AK8: variants seen among roughly 807,000 people sequenced by gnomAD.
The protein encoded by AK8 is adenylate kinase 8.
Under a neutral mutation model 54.6 loss-of-function variants are expected in AK8, and 44 were observed. The observed-to-expected ratio is 0.81, with a 90% CI of 0.63 to 1.04. AK8 has a LOEUF of 1.04. Among genes scored for constraint, AK8 ranks in the 50% least tolerant of loss-of-function variants. AK8 has a pLI of 0.00. For missense variants in AK8, 555 were observed against 613.6 expected, an observed-to-expected ratio of 0.90 and a Z score of 1.01; for synonymous variants, 239 against 245.6, an observed-to-expected ratio of 0.97 and a Z score of 0.25.
At position 132,730,139 on chromosome 9, in the gene AK8, C is replaced by T. The variant is rs556981940; in HGVS notation, c.1122-2605G>A. Among the ~76,000 whole-genome samples, 4 of 152,266 alleles carry T rather than the reference C, an allele frequency of 2.6e-5. No individual in the cohort carries two copies. In the East Asian group the frequency reaches 7.7e-4, roughly 29 times the overall value. On this transcript the variant is annotated intron_variant, in intron 11 of 12. Coordinates refer to ENST00000298545, the MANE Select transcript of AK8 (RefSeq NM_152572.3). Reference sequence around the variant, plus strand: ...GCCAAGCTGACAACACGGTGGGAGGCTTTTCTGTTCGTTTCAGACTGCCTC... The same window carrying T: ...GCCAAGCTGACAACACGGTGGGAGGTTTTTCTGTTCGTTTCAGACTGCCTC...
intron 10 of AK8, among the ~76,000 whole-genome samples, chr9:132,801,255 G>A (rs1840443600): frequency 1.3e-5 from 2 of 152,106 alleles, no homozygotes; most frequent in Non-Finnish European, 2.9e-5. Context: ...TGAAGTTTTA[G>A]GTGACAAAAG....
chr9:132,784,839 G>A (rs766433887), intron 11 of AK8, among the ~76,000 whole-genome samples: 5 of 151,896 alleles, frequency 3.3e-5, no homozygotes, highest in Non-Finnish European at 5.9e-5. Flanking sequence ...TAAATGAAGA[G>A]GTTGAAATAT....
chr9:132,859,068 C>A (rs554477077), intron 4 of AK8, among the ~76,000 whole-genome samples: 2 of 152,288 alleles, frequency 1.3e-5, no homozygotes, highest in African/African-American at 4.8e-5. Flanking sequence ...AGGGCATTCC[C>A]ACTGTGTCTC....
intron 10 of AK8, among the ~76,000 whole-genome samples, chr9:132,809,374 A>T (rs917544535): frequency 6.6e-6 from 1 of 152,102 alleles, no homozygotes; most frequent in African/African-American, 2.4e-5. Flanking sequence ...GCTGAATTCC[A>T]CTGTTCCCTT....
chr9:132,852,769 C>CAAAAAAAAAAAAAAA (rs35786801), intron 5 of AK8, among the ~76,000 whole-genome samples: 3 of 16,394 alleles, frequency 1.8e-4, no homozygotes, highest in Non-Finnish European at 3.8e-4. Flanking sequence ...GATTAGGTCT[C>CAAAAAAAAAAAAAAA]AAAAAAAAAA....
At chr9:132,728,612 AC>A (rs977393352) in intron 11 of AK8, among the ~76,000 whole-genome samples, 5 of 152,168 alleles carry the variant, frequency 3.3e-5, no homozygotes, top group Non-Finnish European at 7.4e-5. Flanking sequence ...ATTCCTAGAT[AC>A]CCTTCCTGGG....
chr9:132,840,402 A>ATACT (rs1842489658), intron 5 of AK8, among the ~76,000 whole-genome samples: 1 of 90,086 alleles, frequency 1.1e-5, no homozygotes, highest in African/African-American at 4.2e-5. Context: ...TCCCAAGTGG[A>ATACT]CACTCACACA....
chr9:132,782,997 C>T (rs1187323719), intron 11 of AK8, among the ~76,000 whole-genome samples: 2 of 152,228 alleles, frequency 1.3e-5, no homozygotes, highest in Non-Finnish European at 2.9e-5. Context: ...CTGCCCCCAA[C>T]TCCAAGATGT....
At chr9:132,857,307 C>T (rs926753005) in intron 4 of AK8, among the ~76,000 whole-genome samples, 1 of 152,178 alleles carries the variant, frequency 6.6e-6, no homozygotes, top group Admixed American at 6.5e-5. Context: ...TTTCAAGGGA[C>T]GCGGACGCTG....
chr9:132,770,657 T>G lies in AK8; in HGVS notation c.1121+21977A>C, dbSNP rs969528948. ...TGGGGCAGCGCGGTGGGCAGCGGGC[T>G]GGGCCGAGATCGAGACCGGGACAAG... On this transcript the variant is annotated intron_variant, in intron 11 of 12. Coordinates refer to ENST00000298545, the MANE Select transcript of AK8 (RefSeq NM_152572.3). This position sits in a 1 kb window ranked among gnomAD's most constrained non-coding sequence, Gnocchi z 4.3. Among the ~76,000 whole-genome samples, 6 of 152,092 alleles carry G rather than the reference T, an allele frequency of 3.9e-5. No homozygotes were observed. The highest frequency in any genetic ancestry group is 8.8e-5 in the Non-Finnish European group (6 of 68,000).
chr9:132,786,805 A>C (rs1022202377), intron 11 of AK8, among the ~76,000 whole-genome samples: 7 of 152,140 alleles, frequency 4.6e-5, no homozygotes, highest in Non-Finnish European at 1.0e-4. Context: ...GACAAACAAA[A>C]ATTCAATAGA....
chr9:132,863,413 A>G (rs1843466884), intron 4 of AK8, among the ~76,000 whole-genome samples: 1 of 152,252 alleles, frequency 6.6e-6, no homozygotes, highest in Non-Finnish European at 1.5e-5. Context: ...TGGACAAAAC[A>G]GCCTCCTTCA....
intron 11 of AK8, among the ~76,000 whole-genome samples, chr9:132,784,336 T>C (rs1588127100): frequency 6.6e-6 from 1 of 152,100 alleles, no homozygotes; most frequent in Non-Finnish European, 1.5e-5. Flanking sequence ...CTGGCCAACA[T>C]GGTGAAACCC....
chr9:132,746,772 C>T (rs569513549), intron 11 of AK8, among the ~76,000 whole-genome samples: 27 of 152,258 alleles, frequency 1.8e-4, no homozygotes, highest in Non-Finnish European at 2.6e-4. Context: ...CAGGAACCCC[C>T]GGGCCACACG....
chr9:132,783,944 G>A (rs1839584731), intron 11 of AK8, among the ~76,000 whole-genome samples: 1 of 152,178 alleles, frequency 6.6e-6, no homozygotes, highest in African/African-American at 2.4e-5. Context: ...TCCGAATTAT[G>A]AAAAGCTGAT....
At chr9:132,831,313 T>A (rs767956753) in intron 5 of AK8, among the ~76,000 whole-genome samples, 7 of 150,680 alleles carry the variant, frequency 4.6e-5, no homozygotes, top group Non-Finnish European at 4.4e-5. Flanking sequence ...TCACGACAAA[T>A]TGACATTTTT....
intron 10 of AK8, among the ~76,000 whole-genome samples, chr9:132,814,278 CAAAAAAA>C (rs71376658): frequency 3.1e-5 from 2 of 63,898 alleles, no homozygotes; most frequent in Admixed American, 4.1e-4. Flanking sequence ...TACCCTGTCT[CAAAAAAA>C]AAAAAAAAAA....
intron 11 of AK8, among the ~76,000 whole-genome samples, chr9:132,743,337 G>A (rs917904924): frequency 2.6e-5 from 4 of 152,324 alleles, no homozygotes; most frequent in East Asian, 1.9e-4. Context: ...GCATCTCCTC[G>A]TCACTGGTCA....
chr9:132,816,021 T>C (rs902154188), intron 9 of AK8, among the ~76,000 whole-genome samples: 1 of 152,166 alleles, frequency 6.6e-6, no homozygotes, highest in African/African-American at 2.4e-5. Context: ...TCCAATGTGC[T>C]TGGCAGCCTC....
Sources: allele counts gnomAD v4.1 joint callset (sites outside exome capture counted in the v4.1 genomes callset), GRCh38; gene constraint gnomAD v4.1.1; non-coding constraint Gnocchi (gnomAD v3.1); transcripts MANE v1.5; gene names NCBI Gene and HGNC (gene_info 2026-07-23, HGNC 2026-07-21).